The following SAMD3 variants were observed in gnomAD, a reference collection of about 807,000 sequenced individuals.
SAMD3 encodes the protein sterile alpha motif domain containing 3.
In SAMD3, 63 loss-of-function variants were observed where a neutral mutation model predicts 58.5. That is an observed-to-expected ratio of 1.08 (90% CI 0.88 to 1.33). SAMD3 has a LOEUF of 1.33. Ranked by LOEUF, SAMD3 falls within the 40% of genes most tolerant of loss-of-function variation. SAMD3 has a pLI of 0.00. For missense variants in SAMD3, 604 were observed against 608.4 expected (o/e 0.99, Z 0.08); for synonymous variants, 220 against 210.3 (o/e 1.05, Z -0.40).
At chr6:130,259,019 G>A (rs1774018830) in intron 2 of SAMD3, among the ~76,000 whole-genome samples, 2 of 152,134 alleles carry the variant, frequency 1.3e-5, no homozygotes, top group Admixed American at 1.3e-4. Context: ...TAAGTTAGAA[G>A]AGAAATAGAG....
At chr6:130,207,809 C>T (rs1190349667) in intron 5 of SAMD3, among the ~76,000 whole-genome samples, 1 of 152,202 alleles carries the variant, frequency 6.6e-6, no homozygotes, top group Non-Finnish European at 1.5e-5. Context: ...GATCTTGAGG[C>T]ACTGAGGCTG....
chr6:130,154,057 A>G (rs924134002), intron 9 of SAMD3, among the ~76,000 whole-genome samples: 3 of 152,064 alleles, frequency 2.0e-5, no homozygotes, highest in African/African-American at 7.2e-5. Flanking sequence ...AGGATGCATA[A>G]TAACAGTTCC....
At position 130,163,719 on chromosome 6, in the gene SAMD3, G is replaced by A. The variant is rs191827055; in HGVS notation, c.823-8694C>T. Among the ~76,000 whole-genome samples, 8 of 152,262 alleles carry A rather than the reference G, an allele frequency of 5.3e-5. No homozygotes were observed. In the East Asian group the frequency reaches 1.5e-3, roughly 29 times the overall value. On this transcript the variant is annotated intron_variant, in intron 8 of 11. Transcript: ENST00000439090. The stretch of plus-strand genomic sequence containing the variant: ...AGGCTATAAAATAATTAGTATTTAT[G>A]CAATAAATCATTATGTGTCAGGCCT...
intron 1 of SAMD3, among the ~76,000 whole-genome samples, chr6:130,218,717 T>G (rs1332469625): frequency 6.6e-6 from 1 of 152,156 alleles, no homozygotes; most frequent in African/African-American, 2.4e-5. Context: ...TGGAAGCGAA[T>G]GGATCTTGAT....
intron 7 of SAMD3, among the ~76,000 whole-genome samples, chr6:130,178,310 G>A (rs754667612): frequency 1.1e-4 from 16 of 151,978 alleles, no homozygotes; most frequent in Non-Finnish European, 2.1e-4. Flanking sequence ...GTGCCTTAGG[G>A]CTGCTTCTGC....
chr6:130,150,417 C>T (rs758127473), intron 9 of SAMD3, among the ~76,000 whole-genome samples: 7 of 152,140 alleles, frequency 4.6e-5, no homozygotes, highest in Non-Finnish European at 7.3e-5. Context: ...ATGGGAATGG[C>T]GCCGCTCACT....
In SAMD3 at chr6:130,146,148, C is replaced by T; in HGVS notation, c.1057G>A (p.Asp353Asn). 1 of 1,593,380 alleles carries T rather than the reference C, an allele frequency of 6.3e-7. No homozygotes were observed. Among genetic ancestry groups the T allele is most frequent in the Non-Finnish European group, 8.5e-7 (1 of 1,170,900 alleles). Residue 353 changes from aspartate to asparagine, a missense_variant, in exon 10 of 12, where the codon GAT becomes AAT. Physicochemically the swap from Asp to Asn is conservative, Grantham distance 23. Coordinates refer to ENST00000439090, the MANE Select transcript of SAMD3 (RefSeq NM_001017373.4). ...ATGTGCCTTGTTTTCTTATAAATAT[C>T]TGTTCTTGTAAGAAGTTGGAATTCT... ...FREFQLLTRT[D>N]IYKKTRHILE...
chr6:130,317,394 G>T (rs557130216), intron 1 of SAMD3, among the ~76,000 whole-genome samples: 58 of 152,208 alleles, frequency 3.8e-4, no homozygotes, highest in African/African-American at 1.4e-3. Context: ...TAGGCACTGG[G>T]AATAGAAATG....
intron 2 of SAMD3, among the ~76,000 whole-genome samples, chr6:130,249,837 G>A (rs931504717): frequency 6.6e-6 from 1 of 152,058 alleles, no homozygotes; most frequent in Non-Finnish European, 1.5e-5. Flanking sequence ...TAATACTGAA[G>A]GTTATCCAGG....
intron 8 of SAMD3, among the ~76,000 whole-genome samples, chr6:130,172,192 G>A (rs2114655203): frequency 6.6e-6 from 1 of 152,222 alleles, no homozygotes. Flanking sequence ...TTTAATTGAG[G>A]CATTTAGTCC....
chr6:130,152,679 T>C (rs1789326349), intron 9 of SAMD3, among the ~76,000 whole-genome samples: 3 of 133,930 alleles, frequency 2.2e-5, no homozygotes, highest in Admixed American at 2.2e-4. Flanking sequence ...TCTGTCTCAA[T>C]AAATAAATAA....
chr6:130,157,769 T>C (rs1057176879), intron 8 of SAMD3, among the ~76,000 whole-genome samples: 2 of 152,100 alleles, frequency 1.3e-5, no homozygotes, highest in African/African-American at 4.8e-5. Flanking sequence ...GTATAAAAAT[T>C]GAAAAGATAG....
chr6:130,308,131 CCTTTA>C (rs1775970807), intron 2 of SAMD3, among the ~76,000 whole-genome samples: 1 of 152,006 alleles, frequency 6.6e-6, no homozygotes, highest in African/African-American at 2.4e-5. Context: ...TTTTGTTTGA[CCTTTA>C]CTTTATTTGT....
chr6:130,358,093 A>G (rs1777886508), intron 1 of SAMD3, among the ~76,000 whole-genome samples: 1 of 152,222 alleles, frequency 6.6e-6, no homozygotes, highest in African/African-American at 2.4e-5. Context: ...ATAATCAAAT[A>G]TCCTTTGGCA....
chr6:130,228,499 TA>T (rs1472814935), intron 2 of SAMD3, among the ~76,000 whole-genome samples: 1 of 152,044 alleles, frequency 6.6e-6, no homozygotes, highest in Non-Finnish European at 1.5e-5. Flanking sequence ...CAGGGGAGCT[TA>T]AAAAAAGCTG....
chr6:130,245,511 T>A (rs1773511291), intron 2 of SAMD3, among the ~76,000 whole-genome samples: 1 of 152,196 alleles, frequency 6.6e-6, no homozygotes, highest in African/African-American at 2.4e-5. Flanking sequence ...GATATTCCAC[T>A]TAGGTTGGAG....
chr6:130,229,509 G>T (rs185238471), intron 2 of SAMD3, among the ~76,000 whole-genome samples: 1 of 152,264 alleles, frequency 6.6e-6, no homozygotes, highest in Admixed American at 6.5e-5. Flanking sequence ...TTCATGTCTT[G>T]TGCTCCTGAG....
chr6:130,362,441 A>G (rs933421400), intron 1 of SAMD3, among the ~76,000 whole-genome samples: 2 of 152,220 alleles, frequency 1.3e-5, no homozygotes, highest in Non-Finnish European at 2.9e-5. Context: ...TCAAATCTCT[A>G]TTATCTTCTA....
intron 1 of SAMD3, among the ~76,000 whole-genome samples, chr6:130,331,858 G>T (rs145279654): frequency 3.0e-4 from 45 of 152,314 alleles, no homozygotes; most frequent in African/African-American, 1.1e-3. Context: ...GCATGGTGAG[G>T]TATGTATTCT....
Sources: allele counts gnomAD v4.1 joint callset (sites outside exome capture counted in the v4.1 genomes callset), GRCh38; gene constraint gnomAD v4.1.1; transcripts MANE v1.5; gene names NCBI Gene and HGNC (gene_info 2026-07-23, HGNC 2026-07-21).